The following PDE4D variants were observed in gnomAD, a reference collection of about 807,000 sequenced individuals.
The protein encoded by PDE4D is phosphodiesterase 4D, also known as 3',5'-cyclic-AMP phosphodiesterase 4D.
PDE4D carries 24 observed loss-of-function variants against 87.4 expected under a neutral mutation model. The observed-to-expected ratio is 0.27, with a 90% CI of 0.20 to 0.39. PDE4D has a LOEUF of 0.39. PDE4D is among the 10% of genes least tolerant of loss of function. PDE4D has a pLI of 1.00. For synonymous variants in PDE4D, 384 were observed against 383.2 expected (o/e 1.00, Z -0.02); for missense variants, 714 against 1,041.0 (o/e 0.69, Z 4.32).
intron 1 of PDE4D, among the ~76,000 whole-genome samples, chr5:59,299,687 G>T (rs1165735205): frequency 6.6e-6 from 1 of 152,158 alleles, no homozygotes; most frequent in Non-Finnish European, 1.5e-5. Flanking sequence ...AAATTGCCAA[G>T]TTTTCTCAAG....
At chr5:59,334,167 A>T (rs1777224028) in intron 1 of PDE4D, among the ~76,000 whole-genome samples, 1 of 150,126 alleles carries the variant, frequency 6.7e-6, no homozygotes, top group Admixed American at 6.6e-5. Context: ...TAGCCTTTAT[A>T]GGATTGGCCA....
At position 59,012,702 on chromosome 5, in the gene PDE4D, T is replaced by C. The variant is rs575384484; in HGVS notation, c.922-19237A>G. ...GACTTAGACTTCTACACAATAATAA[T>C]GGGAGACTTTAACACCCCACTGTCA... On this transcript the variant is annotated intron_variant, in intron 6 of 14. Transcript: ENST00000340635. Among the ~76,000 whole-genome samples the C allele has an allele frequency of 5.9e-5, 9 of 152,298 alleles. No homozygotes were observed. In the East Asian group the frequency reaches 1.7e-3, roughly 29 times the overall value.
intron 1 of PDE4D, among the ~76,000 whole-genome samples, chr5:59,877,479 T>TAAAAAA (rs70975344): frequency 6.8e-5 from 7 of 102,306 alleles, no homozygotes; most frequent in Non-Finnish European, 8.2e-5. Context: ...TGCCAGAACC[T>TAAAAAA]AAAAAAAAAA....
At chr5:59,764,027 A>G (rs1762485161) in intron 1 of PDE4D, among the ~76,000 whole-genome samples, 1 of 152,134 alleles carries the variant, frequency 6.6e-6, no homozygotes, top group African/African-American at 2.4e-5. Context: ...TGAAAGATGT[A>G]TTTTTGCAGT....
At chr5:59,792,732 G>T (rs563129560) in intron 1 of PDE4D, among the ~76,000 whole-genome samples, 1 of 152,294 alleles carries the variant, frequency 6.6e-6, no homozygotes, top group East Asian at 1.9e-4. Context: ...AAGAAGATGG[G>T]TTTGGCATCA....
upstream of PDE4D, chr5:60,491,028 G>A (rs1407478731): frequency 6.6e-6 from 1 of 152,168 alleles, no homozygotes; most frequent in Non-Finnish European, 1.5e-5. Context: ...CAGGTGACAT[G>A]GATAAAGAGC....
intron 1 of PDE4D, among the ~76,000 whole-genome samples, chr5:59,673,395 C>T (rs1209824055): frequency 6.6e-6 from 1 of 152,120 alleles, no homozygotes; most frequent in Non-Finnish European, 1.5e-5. Flanking sequence ...TCCGAATTAC[C>T]TCTTAGAGGC....
intron 5 of PDE4D, among the ~76,000 whole-genome samples, chr5:59,150,917 C>A (rs1347295718): frequency 6.6e-6 from 1 of 152,132 alleles, no homozygotes; most frequent in African/African-American, 2.4e-5. Flanking sequence ...AAAGCAGACA[C>A]TATGGAGAGT....
At chr5:59,866,107 T>G (rs1255840323) in intron 1 of PDE4D, among the ~76,000 whole-genome samples, 2 of 152,262 alleles carry the variant, frequency 1.3e-5, no homozygotes, top group Non-Finnish European at 2.9e-5. Flanking sequence ...GTCTCTACTA[T>G]CTTCTCAATC....
chr5:60,136,991 G>A (rs1217117926), intron 2 of PDE4D, among the ~76,000 whole-genome samples: 9 of 152,070 alleles, frequency 5.9e-5, no homozygotes, highest in African/African-American at 2.2e-4. Flanking sequence ...AGGCCCCAGT[G>A]TGTATTGTTT....
At chr5:59,546,467 G>A (rs1422510402) in intron 1 of PDE4D, among the ~76,000 whole-genome samples, 9 of 151,912 alleles carry the variant, frequency 5.9e-5, no homozygotes, top group East Asian at 1.9e-4. Context: ...CTAATCTCAC[G>A]AAAAATATGG....
intron 5 of PDE4D, among the ~76,000 whole-genome samples, chr5:59,108,521 T>A (rs1053982332): frequency 4.6e-5 from 7 of 152,030 alleles, no homozygotes; most frequent in Admixed American, 2.0e-4. Context: ...AGAAAAGGAT[T>A]AGGGCTAAAA....
At chr5:59,254,941 T>C (rs759747801) in intron 1 of PDE4D, among the ~76,000 whole-genome samples, 1 of 152,180 alleles carries the variant, frequency 6.6e-6, no homozygotes, top group Non-Finnish European at 1.5e-5. Context: ...TCAATAATGA[T>C]GCAGCCATTC....
intron 3 of PDE4D, among the ~76,000 whole-genome samples, chr5:59,937,740 G>T (rs1756759035): frequency 6.6e-6 from 1 of 152,142 alleles, no homozygotes; most frequent in African/African-American, 2.4e-5. Flanking sequence ...AATTTGGGGG[G>T]AACACAAATC....
At chr5:60,111,358 A>G (rs1777664943) in intron 2 of PDE4D, among the ~76,000 whole-genome samples, 2 of 152,046 alleles carry the variant, frequency 1.3e-5, no homozygotes, top group African/African-American at 4.8e-5. Flanking sequence ...TATGTCAACA[A>G]TAATATTAAT....
intron 1 of PDE4D, among the ~76,000 whole-genome samples, chr5:59,746,061 G>A (rs1759559568): frequency 6.6e-6 from 1 of 152,076 alleles, no homozygotes; most frequent in Admixed American, 6.6e-5. Flanking sequence ...ATAATTATGT[G>A]TATAAACTGT....
chr5:59,699,641 A>G (rs1444148894), intron 1 of PDE4D, among the ~76,000 whole-genome samples: 1 of 152,156 alleles, frequency 6.6e-6, no homozygotes, highest in African/African-American at 2.4e-5. Flanking sequence ...GACCTAAACA[A>G]AAAAGAGGAA....
chr5:59,874,804 G>A (rs1350430179), intron 1 of PDE4D, among the ~76,000 whole-genome samples: 1 of 152,064 alleles, frequency 6.6e-6, no homozygotes, highest in African/African-American at 2.4e-5. Context: ...TGGGACTAAT[G>A]GAGCATTAAT....
chr5:60,144,001 G>T (rs1780784649), intron 2 of PDE4D, among the ~76,000 whole-genome samples: 1 of 152,074 alleles, frequency 6.6e-6, no homozygotes, highest in Non-Finnish European at 1.5e-5. Context: ...GCAACTTCTG[G>T]ACTATTACAG....
Sources: gnomAD v4.1 joint callset for allele counts (sites outside exome capture counted in the v4.1 genomes callset) on GRCh38, gnomAD v4.1.1 for gene constraint, MANE v1.5 for transcripts, NCBI Gene and HGNC (gene_info 2026-07-23, HGNC 2026-07-21) for gene names.